The following UMAD1 variants were observed in gnomAD, a reference collection of about 807,000 sequenced individuals.
UMAD1 encodes UBAP1-MVB12-associated (UMA) domain containing 1.
In UMAD1, 8 loss-of-function variants were observed where a neutral mutation model predicts 6.1. The ratio of observed to expected loss-of-function variants is 1.30; its 90% CI spans 0.76 to 2.35. The LOEUF (loss-of-function observed/expected upper bound fraction) is 2.35, where lower values mean the gene tolerates loss of function less well. Among genes scored for constraint, UMAD1 ranks in the 30% most tolerant of loss-of-function variants. UMAD1 has a pLI of 0.00. For synonymous variants in UMAD1, 56 were observed against 31.4 expected, an observed-to-expected ratio of 1.78 and a Z score of -2.61; for missense variants, 130 against 78.4, an observed-to-expected ratio of 1.66 and a Z score of -2.49.
At position 7,782,530 on chromosome 7, in the gene UMAD1, A is replaced by T. The variant is rs147111077; in HGVS notation, c.83-19140A>T. On this transcript the variant is annotated intron_variant, in intron 2 of 3. Coordinates refer to ENST00000682710, the MANE Select transcript of UMAD1 (RefSeq NM_001302348.2). ...TTTTATCAGTTTACTTTCAATTTTT[A>T]AAATTTTTTTTATTTTCTTTTTTAT... Among the ~76,000 whole-genome samples, 210 of 152,106 alleles carry T rather than the reference A, an allele frequency of 1.4e-3. 2 individuals carry two copies. In the East Asian group the frequency reaches 0.032, roughly 23 times the overall value.
intron 3 of UMAD1, among the ~76,000 whole-genome samples, chr7:7,826,050 G>T (rs888506818): frequency 1.3e-5 from 2 of 152,066 alleles, no homozygotes; most frequent in African/African-American, 4.8e-5. Flanking sequence ...CTTTATTGTT[G>T]TATTGGTTTT....
intron 3 of UMAD1, among the ~76,000 whole-genome samples, chr7:7,839,026 T>A (rs942309860): frequency 6.6e-6 from 1 of 152,014 alleles, no homozygotes; most frequent in African/African-American, 2.4e-5. Flanking sequence ...TAGATGGGAG[T>A]GAGAGCAGAC....
At chr7:7,818,661 G>A (rs1410566884) in intron 3 of UMAD1, among the ~76,000 whole-genome samples, 1 of 152,120 alleles carries the variant, frequency 6.6e-6, no homozygotes, top group African/African-American at 2.4e-5. Context: ...TACCTTTACT[G>A]TATATACCCA....
chr7:7,796,824 A>G (rs191940760), intron 2 of UMAD1, among the ~76,000 whole-genome samples: 1 of 152,020 alleles, frequency 6.6e-6, no homozygotes, highest in African/African-American at 2.4e-5. Flanking sequence ...ACAATTTTCA[A>G]CCAATCAGTG....
chr7:7,736,268 G>A (rs1781357699), intron 2 of UMAD1: 1 of 152,378 alleles, frequency 6.6e-6, no homozygotes, highest in African/African-American at 2.4e-5. Context: ...TTCTTCCTGA[G>A]ATGGATCCCT....
chr7:7,710,416 A>G (rs1780725981), intron 2 of UMAD1, among the ~76,000 whole-genome samples: 1 of 152,244 alleles, frequency 6.6e-6, no homozygotes, highest in Non-Finnish European at 1.5e-5. Context: ...AAAGACATGA[A>G]GAGACATTTC....
At position 7,850,028 on chromosome 7, in the gene UMAD1, A is replaced by G. The variant is rs1783881913; in HGVS notation, c.157-27253A>G. 2.0e-5 allele frequency among the ~76,000 whole-genome samples: 3 copies of G among 152,138 alleles called. 1 individual carries two copies. The South Asian group carries it at 6.2e-4, about 31-fold the overall frequency. ...CCCATTTTTGATGATGTTGTAGGGA[A>G]AAGGAAAACCTTCATGCCCAGTATA... On this transcript the variant is annotated intron_variant, in intron 3 of 3. Transcript: ENST00000682710.
In UMAD1 at chr7:7,728,575, C is replaced by T. The variant is rs372196402; in HGVS notation, c.82+55122C>T. On this transcript the variant is annotated intron_variant, in intron 2 of 3. Coordinates refer to ENST00000682710, the MANE Select transcript of UMAD1 (RefSeq NM_001302348.2). ...AGGAGAATCACTTGAACCCGGGAGG[C>T]GGAGGTTGCAGTGAGATGAGATCAC... Among the ~76,000 whole-genome samples, 345 of 150,114 alleles carry T rather than the reference C, an allele frequency of 2.3e-3. 2 individuals are homozygous for T. Among genetic ancestry groups the T allele is most frequent in the African/African-American group, 8.3e-3 (337 of 40,814 alleles).
At chr7:7,759,739 G>T (rs549592502) in intron 2 of UMAD1, among the ~76,000 whole-genome samples, 1 of 152,230 alleles carries the variant, frequency 6.6e-6, no homozygotes, top group African/African-American at 2.4e-5. Context: ...AGACATGCTT[G>T]TAGGGAAGAA....
At chr7:7,731,192 G>C (rs115633824) in intron 2 of UMAD1, among the ~76,000 whole-genome samples, 2,022 of 152,112 alleles carry the variant, frequency 0.013, 37 homozygotes, top group African/African-American at 0.037. Context: ...AGAGAGGGGG[G>C]GGTTCCACCA....
chr7:7,702,572 A>G (rs1780487512), intron 2 of UMAD1, among the ~76,000 whole-genome samples: 1 of 152,138 alleles, frequency 6.6e-6, no homozygotes, highest in Non-Finnish European at 1.5e-5. Flanking sequence ...ACTTTTCCTG[A>G]TACTTTTAAA....
At chr7:7,835,500 T>TTTTTTTTTTTTTTTTTTTTTTTTTTA (rs776524699) in intron 3 of UMAD1, among the ~76,000 whole-genome samples, 2 of 102,496 alleles carry the variant, frequency 2.0e-5, no homozygotes, top group Non-Finnish European at 2.0e-5. Flanking sequence ...TTTTTTTTTT[T>TTTTTTTTTTTTTTTTTTTTTTTTTTA]AGCTCTTAGC....
intron 2 of UMAD1, among the ~76,000 whole-genome samples, chr7:7,732,869 A>G (rs942277347): frequency 2.0e-5 from 3 of 152,242 alleles, no homozygotes; most frequent in African/African-American, 7.2e-5. Context: ...GCAGTGTTCC[A>G]AAGGTAGATT....
chr7:7,673,355 CA>C lies in UMAD1; in HGVS notation c.-16del, dbSNP rs1779657410. Reference sequence around the variant, plus strand: ...GCAGCAGCAGCAGCAGCAGCAGCAGCAGCAGCAGCAGCAGCAATGTTTCACT... The same window carrying C: ...GCAGCAGCAGCAGCAGCAGCAGCAGCGCAGCAGCAGCAGCAATGTTTCACT... On this transcript the variant is annotated 5_prime_UTR_variant, in exon 2 of 4. Transcript: ENST00000682710. 1.6e-6 allele frequency: 2 copies of C among 1,284,724 alleles called. No individual in the cohort carries two copies. The highest frequency in any genetic ancestry group is 1.5e-5 in the African/African-American group (1 of 66,462). 79.6% of individuals were successfully genotyped at this position (1,284,724 alleles called of 1,614,324 possible).
intron 3 of UMAD1, among the ~76,000 whole-genome samples, chr7:7,846,569 A>G (rs1415569788): frequency 6.6e-6 from 1 of 152,132 alleles, no homozygotes; most frequent in Non-Finnish European, 1.5e-5. Context: ...GAGTAGTAAT[A>G]TTTTTTAATT....
intron 1 of UMAD1, among the ~76,000 whole-genome samples, chr7:7,667,948 C>T (rs1763782334): frequency 6.6e-6 from 1 of 152,066 alleles, no homozygotes; most frequent in Non-Finnish European, 1.5e-5. Context: ...GTTCATTTAA[C>T]ACAGGGTCTT....
chr7:7,875,159 C>T (rs748296597), intron 3 of UMAD1, among the ~76,000 whole-genome samples: 9 of 152,242 alleles, frequency 5.9e-5, no homozygotes, highest in East Asian at 5.8e-4. Context: ...AAAGACACAA[C>T]GTACCAGAAT....
At chr7:7,816,895 A>G (rs942919829) in intron 3 of UMAD1, among the ~76,000 whole-genome samples, 2 of 152,120 alleles carry the variant, frequency 1.3e-5, no homozygotes, top group African/African-American at 4.8e-5. Flanking sequence ...CATTCAATCC[A>G]TTCACCCACA....
chr7:7,864,201 G>A (rs10270460), intron 3 of UMAD1, among the ~76,000 whole-genome samples: 64,172 of 151,980 alleles, frequency 0.42, 14,436 homozygotes, highest in African/African-American at 0.54. Context: ...TTTACTGTAG[G>A]TTGATTGATA....
Sources: allele counts gnomAD v4.1 joint callset (sites outside exome capture counted in the v4.1 genomes callset), GRCh38; gene constraint gnomAD v4.1.1; transcripts MANE v1.5; gene names NCBI Gene and HGNC (gene_info 2026-07-23, HGNC 2026-07-21).